ANKFN1: variants seen among roughly 807,000 people sequenced by gnomAD.
The protein encoded by ANKFN1 is ankyrin repeat and fibronectin type-III domain-containing protein 1.
ANKFN1 carries 74 observed loss-of-function variants against 108.7 expected under a neutral mutation model. That is an observed-to-expected ratio of 0.68 (90% confidence interval 0.56 to 0.83). The LOEUF is 0.83. Ranked by LOEUF, ANKFN1 falls within the 40% of genes least tolerant of loss-of-function variation. ANKFN1 has a pLI of 0.00. For synonymous variants in ANKFN1, 547 were observed against 516.2 expected, an observed-to-expected ratio of 1.06 and a Z score of -0.81; for missense variants, 1,505 against 1,382.3, an observed-to-expected ratio of 1.09 and a Z score of -1.41.
intron 20 of ANKFN1, among the ~76,000 whole-genome samples, chr17:56,502,094 A>C (rs532329813): frequency 2.8e-4 from 43 of 152,286 alleles, no homozygotes; most frequent in African/African-American, 1.0e-3. Flanking sequence ...GCATTTTTTA[A>C]GGCAGGAAAG....
chr17:56,280,036 G>GTTTTTTTTTTTTT, intron 3 of ANKFN1, among the ~76,000 whole-genome samples: 1 of 136,928 alleles, frequency 7.3e-6, no homozygotes, highest in African/African-American at 3.2e-5. Flanking sequence ...TCAAGACGGA[G>GTTTTTTTTTTTTT]TTTCTTTTTG....
chr17:56,210,124 T>C (rs1425177926), intron 1 of ANKFN1, among the ~76,000 whole-genome samples: 1 of 151,734 alleles, frequency 6.6e-6, no homozygotes, highest in Non-Finnish European at 1.5e-5. Context: ...TGCATCACAT[T>C]TTCTTTATCC....
intron 8 of ANKFN1, among the ~76,000 whole-genome samples, chr17:56,400,753 T>A (rs937347250): frequency 2.0e-5 from 3 of 152,192 alleles, no homozygotes; most frequent in African/African-American, 7.2e-5. Flanking sequence ...CATCTTGAGT[T>A]GATTTTTTTT....
chr17:56,258,696 G>A (rs1283529257), intron 3 of ANKFN1, among the ~76,000 whole-genome samples: 4 of 152,144 alleles, frequency 2.6e-5, no homozygotes, highest in Admixed American at 2.0e-4. Context: ...GGATCACGAG[G>A]TCAGGAGATC....
At chr17:56,447,571 T>G (rs1476139013) in intron 10 of ANKFN1, among the ~76,000 whole-genome samples, 3 of 152,068 alleles carry the variant, frequency 2.0e-5, no homozygotes, top group Non-Finnish European at 2.9e-5. Context: ...TCCTGAAAAG[T>G]AAAATAAAGA....
intron 4 of ANKFN1, among the ~76,000 whole-genome samples, chr17:56,096,105 A>G (rs1468858396): frequency 6.6e-6 from 1 of 152,212 alleles, no homozygotes; most frequent in Non-Finnish European, 1.5e-5. Context: ...AAGAGAATTT[A>G]TGGACAGGTC....
intron 3 of ANKFN1, among the ~76,000 whole-genome samples, chr17:56,279,835 A>T (rs2044025443): frequency 6.6e-6 from 1 of 152,186 alleles, no homozygotes; most frequent in Admixed American, 6.5e-5. Flanking sequence ...CTCGCGTATC[A>T]TTTCTGGGCC....
At chr17:56,365,543 A>T (rs1490278068) in intron 6 of ANKFN1, among the ~76,000 whole-genome samples, 1 of 152,204 alleles carries the variant, frequency 6.6e-6, no homozygotes, top group African/African-American at 2.4e-5. Flanking sequence ...AGGATCACCC[A>T]TATGTAAGGG....
At chr17:56,050,357 A>G in intron 4 of ANKFN1, among the ~76,000 whole-genome samples, 1 of 145,836 alleles carries the variant, frequency 6.9e-6, no homozygotes, top group Non-Finnish European at 1.5e-5. Context: ...GTTCACTCTG[A>G]TGGTAGTTTC....
chr17:56,429,803 T>C (rs993286738), intron 8 of ANKFN1, among the ~76,000 whole-genome samples: 1 of 152,214 alleles, frequency 6.6e-6, no homozygotes, highest in African/African-American at 2.4e-5. Flanking sequence ...TGTAGGAGTA[T>C]GGATGTGAAA....
intron 3 of ANKFN1, among the ~76,000 whole-genome samples, chr17:56,267,145 G>A (rs553022796): frequency 2.4e-4 from 37 of 152,206 alleles, no homozygotes; most frequent in African/African-American, 8.7e-4. Context: ...CAGAACATGT[G>A]GTATTTGGTT....
At chr17:56,088,917 A>C (rs974241477) in intron 4 of ANKFN1, among the ~76,000 whole-genome samples, 6 of 151,362 alleles carry the variant, frequency 4.0e-5, no homozygotes, top group African/African-American at 9.7e-5. Context: ...TGGTAGTAGA[A>C]TCAATTCTGG....
intron 1 of ANKFN1, among the ~76,000 whole-genome samples, chr17:56,199,561 A>G (rs1160642455): frequency 6.6e-6 from 1 of 152,034 alleles, no homozygotes; most frequent in Non-Finnish European, 1.5e-5. Flanking sequence ...CAGCCCCTAA[A>G]TATCCTCCTT....
intron 20 of ANKFN1, among the ~76,000 whole-genome samples, chr17:56,501,367 A>G (rs903528981): frequency 7.9e-5 from 12 of 152,230 alleles, no homozygotes; most frequent in African/African-American, 2.9e-4. Context: ...TGCTGTATGA[A>G]GAGACCATAA....
chr17:56,122,659 C>T (rs908176230), intron 4 of ANKFN1, among the ~76,000 whole-genome samples: 6 of 152,104 alleles, frequency 3.9e-5, no homozygotes, highest in Non-Finnish European at 8.8e-5. Context: ...TGACCAAATG[C>T]TAATGGAGGT....
intron 4 of ANKFN1, among the ~76,000 whole-genome samples, chr17:56,104,186 G>A (rs984979423): frequency 8.5e-5 from 13 of 152,152 alleles, no homozygotes; most frequent in Admixed American, 5.9e-4. Flanking sequence ...ATTGCAACCC[G>A]TTTTAATATG....
At chr17:56,316,655 C>CA (rs149876576) in intron 3 of ANKFN1, among the ~76,000 whole-genome samples, 2,209 of 151,984 alleles carry the variant, frequency 0.015, 58 homozygotes, top group African/African-American at 0.05. Flanking sequence ...TGACAAAAAA[C>CA]AAAAAAATCT....
intron 8 of ANKFN1, among the ~76,000 whole-genome samples, chr17:56,400,471 T>C (rs1056085994): frequency 2.6e-5 from 4 of 152,232 alleles, no homozygotes; most frequent in African/African-American, 9.6e-5. Context: ...TCATTGTAGA[T>C]TCTGGATATT....
chr17:56,276,413 T>C (rs545934758), intron 3 of ANKFN1, among the ~76,000 whole-genome samples: 2 of 152,310 alleles, frequency 1.3e-5, no homozygotes, highest in African/African-American at 4.8e-5. Context: ...TCTAGGTCCT[T>C]GAGGAATCGC....
Sources: gnomAD v4.1 joint callset for allele counts (sites outside exome capture counted in the v4.1 genomes callset) on GRCh38, gnomAD v4.1.1 for gene constraint, MANE v1.5 for transcripts, NCBI Gene and HGNC (gene_info 2026-07-23, HGNC 2026-07-21) for gene names.